The following ADAMTS20 variants were observed in gnomAD, a reference collection of about 807,000 sequenced individuals.
ADAMTS20 encodes ADAM metallopeptidase with thrombospondin type 1 motif 20.
A neutral mutation model predicts 260.1 loss-of-function variants in ADAMTS20; 225 were observed. The observed-to-expected ratio is 0.87, with a 90% confidence interval of 0.78 to 0.97. ADAMTS20 has a LOEUF of 0.97. Ranked by LOEUF, ADAMTS20 falls within the 50% of genes least tolerant of loss-of-function variation. The probability of loss-of-function intolerance (pLI) is 0.00; values close to 1 mark genes in which losing one functional copy is unlikely to be tolerated. For missense variants in ADAMTS20, 2,400 were observed against 2,337.7 expected, an observed-to-expected ratio of 1.03 and a Z score of -0.55; for synonymous variants, 802 against 769.5, an observed-to-expected ratio of 1.04 and a Z score of -0.70.
chr12:43,443,849 T>C lies in ADAMTS20; in HGVS notation c.2232A>G (p.Ala744=). 6.2e-7 allele frequency: 1 copy of C among 1,613,446 alleles called. No individual in the cohort carries two copies. The highest frequency in any genetic ancestry group is 1.1e-5 in the South Asian group (1 of 91,018). Residue 744 remains alanine, a synonymous_variant, in exon 16 of 39, where the codon GCA becomes GCG. Transcript: ENST00000389420. ...TGTACTGACGAATGTCAACGTTTGTTGCTCCTGCGGGAATCTTTACAACAA... is the reference window on the plus strand; with the variant it reads ...TGTACTGACGAATGTCAACGTTTGTCGCTCCTGCGGGAATCTTTACAACAA... The part of the protein sequence containing the change: ...YNVVVKIPAG[A]TNVDIRQYSY...
chr12:43,376,229 A>G lies in ADAMTS20; in HGVS notation c.5220+7T>C, dbSNP rs777583773. ...TTAAAATAAAAAAGGAACTGTTTTC[A>G]TAATACCTTTATTATTCTTCCCTTA... On this transcript the variant is annotated splice_region_variant and intron_variant, in intron 34 of 38. Transcript: ENST00000389420. 15 of 1,540,900 alleles carry G rather than the reference A, an allele frequency of 9.7e-6. No homozygotes were observed. Among genetic ancestry groups the G allele is most frequent in the Non-Finnish European group, 1.3e-5 (15 of 1,140,878 alleles).
At position 43,428,500 on chromosome 12, in the gene ADAMTS20, GT is replaced by G; in HGVS notation, c.3685del (p.Thr1229LeufsTer7). ...CSASCGHGKT[T>X]RQVLCMNYHQ... is the part of the protein sequence containing the mutation. ...GTAGTTCATGCATAAAACTTGTCGA[GT>G]TGTTTTTCCATGGCCACAGGAAGCT... is the stretch of plus-strand genomic sequence containing the variant. On this transcript the variant is annotated frameshift_variant, in exon 26 of 39. Transcript: ENST00000389420. LOFTEE classifies it high-confidence loss of function. 1 of 1,613,658 alleles carries G rather than the reference GT, an allele frequency of 6.2e-7. No homozygotes were observed. Among genetic ancestry groups the G allele is most frequent in the Non-Finnish European group, 8.5e-7 (1 of 1,179,728 alleles).
intron 36 of ADAMTS20, among the ~76,000 whole-genome samples, chr12:43,370,871 A>G (rs1316829065): frequency 6.6e-6 from 1 of 152,166 alleles, no homozygotes; most frequent in Non-Finnish European, 1.5e-5. Context: ...ATATTTCTCA[A>G]ATAGGTATCC....
intron 29 of ADAMTS20, among the ~76,000 whole-genome samples, chr12:43,397,041 G>C (rs1343789929): frequency 6.6e-6 from 1 of 152,208 alleles, no homozygotes; most frequent in South Asian, 2.1e-4. Context: ...ACACGCTTAG[G>C]GGAAAGCTAC....
chr12:43,388,476 C>T (rs1940531407), intron 29 of ADAMTS20, among the ~76,000 whole-genome samples: 1 of 152,198 alleles, frequency 6.6e-6, no homozygotes, highest in Admixed American at 6.5e-5. Flanking sequence ...ATTTGGCCAT[C>T]TTGGCTGATT....
rs1221060580 is a variant in ADAMTS20, at chr12:43,376,103, T to C, written c.5266A>G (p.Thr1756Ala). 3.7e-6 allele frequency: 6 copies of C among 1,611,054 alleles called. No homozygotes were observed. Among genetic ancestry groups the C allele is most frequent in the Admixed American group, 3.4e-5 (2 of 59,656 alleles). ...MYLENPKEYL[T>A]LVQGEENFSE... ...AAGTTTTCTTCACCTTGGACCAGTG[T>C]TAAATATTCCTTAGGGTTCTCCAAG... Residue 1756 changes from threonine to alanine, a missense_variant, in exon 35 of 39, where the codon ACA becomes GCA. Physicochemically the swap from Thr to Ala is moderately conservative, Grantham distance 58 (BLOSUM62 0). Coordinates refer to ENST00000389420, the MANE Select transcript of ADAMTS20 (RefSeq NM_025003.5).
At chr12:43,405,350 G>A (rs1224598941) in intron 28 of ADAMTS20, among the ~76,000 whole-genome samples, 2 of 147,230 alleles carry the variant, frequency 1.4e-5, no homozygotes, top group African/African-American at 2.5e-5. Flanking sequence ...CCCAGGGGAC[G>A]GAGGTTGCAG....
chr12:43,498,792 C>G (rs1357038621), intron 4 of ADAMTS20, among the ~76,000 whole-genome samples: 4 of 152,148 alleles, frequency 2.6e-5, no homozygotes, highest in African/African-American at 9.7e-5. Flanking sequence ...TTGCTCAGGA[C>G]TGAAGGGTTT....
At chr12:43,438,885 T>C (rs1269610885) in intron 18 of ADAMTS20, among the ~76,000 whole-genome samples, 1 of 152,234 alleles carries the variant, frequency 6.6e-6, no homozygotes, top group East Asian at 1.9e-4. Context: ...TGCGTATCTA[T>C]AGTACTGTAT....
At chr12:43,356,921 T>C (rs1350387949) in intron 37 of ADAMTS20, among the ~76,000 whole-genome samples, 1 of 152,200 alleles carries the variant, frequency 6.6e-6, no homozygotes, top group African/African-American at 2.4e-5. Flanking sequence ...TATTGCCCCA[T>C]TCCTTTTGTG....
At chr12:43,423,356 A>T in intron 28 of ADAMTS20, 1 of 187,268 alleles carries the variant, frequency 5.3e-6, no homozygotes, top group Non-Finnish European at 1.1e-5. Context: ...GACCTCTAAA[A>T]CAGAGAATCT....
chr12:43,550,820 C>T (rs1943501099), intron 2 of ADAMTS20, 89 bp downstream of exon 2: 6 of 1,439,090 alleles, frequency 4.2e-6, no homozygotes, highest in South Asian at 3.1e-5. Flanking sequence ...GGGTCATCAG[C>T]CACCAACTCG....
At chr12:43,421,105 G>A (rs893469526) in intron 28 of ADAMTS20, among the ~76,000 whole-genome samples, 2 of 151,400 alleles carry the variant, frequency 1.3e-5, no homozygotes, top group Admixed American at 6.6e-5. Flanking sequence ...CACTATGCCC[G>A]GCTTACATGA....
intron 12 of ADAMTS20, 46 bp from the exon 13 acceptor site, chr12:43,452,741 T>C (rs750797331): frequency 1.4e-6 from 2 of 1,465,584 alleles, no homozygotes; most frequent in East Asian, 4.8e-5. Flanking sequence ...ACAACATTAT[T>C]TGTGCCACTT....
intron 3 of ADAMTS20, among the ~76,000 whole-genome samples, chr12:43,511,764 T>C (rs1159577656): frequency 1.3e-5 from 2 of 152,136 alleles, no homozygotes; most frequent in Non-Finnish European, 2.9e-5. Flanking sequence ...GCTCTATATT[T>C]GACCAGATAA....
chr12:43,385,266 G>T (rs1424277238), intron 29 of ADAMTS20, among the ~76,000 whole-genome samples: 1 of 151,984 alleles, frequency 6.6e-6, no homozygotes, highest in East Asian at 1.9e-4. Context: ...TTTTGAAAAG[G>T]GTCTGTTCAT....
chr12:43,536,121 T>C (rs1040347562), intron 2 of ADAMTS20, among the ~76,000 whole-genome samples: 1 of 152,064 alleles, frequency 6.6e-6, no homozygotes, highest in Non-Finnish European at 1.5e-5. Flanking sequence ...TATAATTCTT[T>C]TCCACCTAAT....
intron 7 of ADAMTS20, among the ~76,000 whole-genome samples, chr12:43,470,291 T>G (rs1942231220): frequency 6.6e-6 from 1 of 152,240 alleles, no homozygotes; most frequent in Non-Finnish European, 1.5e-5. Context: ...TATTTTCATT[T>G]TTAGCACTAT....
At chr12:43,405,803 T>G (rs891093683) in intron 28 of ADAMTS20, among the ~76,000 whole-genome samples, 1 of 152,200 alleles carries the variant, frequency 6.6e-6, no homozygotes, top group Admixed American at 6.5e-5. Context: ...AAAACAAATT[T>G]TTACTTTATT....
Sources: gnomAD v4.1 joint callset for allele counts (sites outside exome capture counted in the v4.1 genomes callset) on GRCh38, gnomAD v4.1.1 for gene constraint, MANE v1.5 for transcripts, NCBI Gene and HGNC (gene_info 2026-07-23, HGNC 2026-07-21) for gene names.